NKAIN2: variants seen among roughly 807,000 people sequenced by gnomAD.
NKAIN2 encodes the protein sodium/potassium transporting ATPase interacting 2, also known as sodium/potassium-transporting ATPase subunit beta-1-interacting protein 2.
Under a neutral mutation model 32.6 loss-of-function variants are expected in NKAIN2, and 14 were observed. That is an observed-to-expected ratio of 0.43 (90% CI 0.28 to 0.67). The LOEUF is 0.67. Among genes scored for constraint, NKAIN2 ranks in the 30% least tolerant of loss-of-function variants. The probability of loss-of-function intolerance (pLI) is 0.17; values close to 1 mark genes in which losing one functional copy is unlikely to be tolerated. For missense variants in NKAIN2, 198 were observed against 258.3 expected (o/e 0.77, Z 1.60); for synonymous variants, 80 against 87.2 (o/e 0.92, Z 0.46).
chr6:124,105,782 C>T (rs1299354708), intron 1 of NKAIN2, among the ~76,000 whole-genome samples: 1 of 152,126 alleles, frequency 6.6e-6, no homozygotes, highest in Non-Finnish European at 1.5e-5. Context: ...AAGGCCAAGT[C>T]ATCAGGTTGT....
intron 1 of NKAIN2, among the ~76,000 whole-genome samples, chr6:124,100,332 C>A (rs577663592): frequency 6.6e-6 from 1 of 152,250 alleles, no homozygotes; most frequent in Admixed American, 6.5e-5. Flanking sequence ...AGATACTATT[C>A]TTTTAAAAAA....
intron 3 of NKAIN2, among the ~76,000 whole-genome samples, chr6:124,576,668 T>G (rs553451924): frequency 1.7e-4 from 26 of 149,906 alleles, no homozygotes; most frequent in Non-Finnish European, 3.7e-4. Flanking sequence ...TTATGCCAGA[T>G]AGACCAATAA....
intron 3 of NKAIN2, among the ~76,000 whole-genome samples, chr6:124,558,180 G>A (rs1038213479): frequency 3.3e-5 from 5 of 152,174 alleles, no homozygotes; most frequent in Admixed American, 2.6e-4. Context: ...TTTTAAAAAG[G>A]CCAGACAGAA....
chr6:124,459,171 C>A (rs1183673038), intron 3 of NKAIN2, among the ~76,000 whole-genome samples: 1 of 151,012 alleles, frequency 6.6e-6, no homozygotes. Flanking sequence ...GAGGAGGAGT[C>A]CCCAAAGACA....
chr6:124,265,889 T>A (rs1367578187), intron 1 of NKAIN2, among the ~76,000 whole-genome samples: 2 of 152,198 alleles, frequency 1.3e-5, no homozygotes, highest in African/African-American at 4.8e-5. Flanking sequence ...GAGACTGACA[T>A]TGTTTCCTTC....
intron 3 of NKAIN2, among the ~76,000 whole-genome samples, chr6:124,516,960 GTC>G (rs1195064675): frequency 6.6e-6 from 1 of 152,128 alleles, no homozygotes; most frequent in Non-Finnish European, 1.5e-5. Flanking sequence ...TGTGTAATGA[GTC>G]TGTTCTGCAA....
At chr6:124,515,723 C>A in intron 3 of NKAIN2, among the ~76,000 whole-genome samples, 1 of 780 alleles carries the variant, frequency 1.3e-3, no homozygotes. Flanking sequence ...CTCCGTCTCG[C>A]TCTGTCGCCC....
chr6:124,102,662 C>T (rs894586545), intron 1 of NKAIN2, among the ~76,000 whole-genome samples: 2 of 152,092 alleles, frequency 1.3e-5, no homozygotes, highest in East Asian at 3.9e-4. Flanking sequence ...GAAGTGTGTC[C>T]TCTTTTGTGA....
chr6:124,370,954 G>A (rs968274475), intron 3 of NKAIN2, among the ~76,000 whole-genome samples: 1 of 152,052 alleles, frequency 6.6e-6, no homozygotes, highest in Non-Finnish European at 1.5e-5. Context: ...GTAATCCATT[G>A]AGAAATTTTT....
chr6:124,429,743 A>G (rs332633), intron 3 of NKAIN2, among the ~76,000 whole-genome samples: 22,155 of 152,162 alleles, frequency 0.15, 1,983 homozygotes, highest in East Asian at 0.24. Flanking sequence ...TGGTGCTGGC[A>G]CTGGTGACAC....
chr6:124,152,764 G>A (rs190832190), intron 1 of NKAIN2, among the ~76,000 whole-genome samples: 140 of 151,924 alleles, frequency 9.2e-4, no homozygotes, highest in Admixed American at 2.8e-3. Context: ...CTAAGTATCT[G>A]TCAGTGGATG....
chr6:123,987,205 A>G (rs1037328244), intron 1 of NKAIN2, among the ~76,000 whole-genome samples: 13 of 152,188 alleles, frequency 8.5e-5, no homozygotes, highest in Admixed American at 5.9e-4. Flanking sequence ...TTTGAGTATT[A>G]GACATTTGAG....
At chr6:124,268,436 C>A (rs1794601211) in intron 1 of NKAIN2, among the ~76,000 whole-genome samples, 1 of 152,100 alleles carries the variant, frequency 6.6e-6, no homozygotes, top group Non-Finnish European at 1.5e-5. Context: ...AATGTCTTAA[C>A]TTTTTGCCAT....
intron 1 of NKAIN2, among the ~76,000 whole-genome samples, chr6:123,886,864 A>G (rs1773740470): frequency 6.6e-6 from 1 of 152,112 alleles, no homozygotes; most frequent in Admixed American, 6.6e-5. Context: ...AGAAAAAAAT[A>G]TTGTTGAAAA....
intron 1 of NKAIN2, among the ~76,000 whole-genome samples, chr6:123,868,084 G>A (rs1478155917): frequency 6.6e-6 from 1 of 152,042 alleles, no homozygotes; most frequent in East Asian, 1.9e-4. Flanking sequence ...TAGCCAGGAT[G>A]GTCTTGATCT....
intron 4 of NKAIN2, among the ~76,000 whole-genome samples, chr6:124,764,788 G>A (rs764229477): frequency 2.6e-5 from 4 of 152,020 alleles, no homozygotes; most frequent in African/African-American, 9.7e-5. Context: ...TGTTTACCCT[G>A]GAGTCAGAAC....
chr6:124,471,366 A>T (rs1412294115), intron 3 of NKAIN2, among the ~76,000 whole-genome samples: 1 of 152,036 alleles, frequency 6.6e-6, no homozygotes, highest in Admixed American at 6.6e-5. Flanking sequence ...TTTATATCTA[A>T]TTTTGGGGGC....
intron 4 of NKAIN2, among the ~76,000 whole-genome samples, chr6:124,676,234 G>C (rs920229122): frequency 6.6e-6 from 1 of 151,980 alleles, no homozygotes; most frequent in African/African-American, 2.4e-5. Context: ...GACTTATTTT[G>C]TGACCTAACA....
chr6:124,469,206 C>A (rs1776878887), intron 3 of NKAIN2, among the ~76,000 whole-genome samples: 1 of 152,122 alleles, frequency 6.6e-6, no homozygotes, highest in Non-Finnish European at 1.5e-5. Flanking sequence ...ACAAAGTATT[C>A]CCTTAGGTGA....
Sources: allele counts gnomAD v4.1 joint callset (sites outside exome capture counted in the v4.1 genomes callset), GRCh38; gene constraint gnomAD v4.1.1; transcripts MANE v1.5; gene names NCBI Gene and HGNC (gene_info 2026-07-23, HGNC 2026-07-21).